The following ADAMTS9 variants were observed in gnomAD, a reference collection of about 807,000 sequenced individuals.
ADAMTS9 encodes the protein A disintegrin and metalloproteinase with thrombospondin motifs 9.
ADAMTS9 carries 107 observed loss-of-function variants against 257.1 expected under a neutral mutation model. The observed-to-expected ratio is 0.42, with a 90% CI of 0.36 to 0.49. The LOEUF is 0.49. Among genes scored for constraint, ADAMTS9 ranks in the 20% least tolerant of loss-of-function variants. The pLI is 0.03. For missense variants in ADAMTS9, 2,353 were observed against 2,469.1 expected (o/e 0.95, Z 1.00); for synonymous variants, 982 against 880.9 (o/e 1.11, Z -2.03).
At chr3:64,621,359 A>G (rs1700099868) in intron 18 of ADAMTS9, 119 bp from the exon 19 acceptor site, 2 of 1,207,172 alleles carry the variant, frequency 1.7e-6, no homozygotes, top group African/African-American at 1.5e-5. Flanking sequence ...TTCAGAGCGT[A>G]TGATCTCTGT....
intron 12 of ADAMTS9, among the ~76,000 whole-genome samples, chr3:64,636,021 CATTT>C (rs1477845547): frequency 1.3e-5 from 2 of 152,174 alleles, no homozygotes; most frequent in Non-Finnish European, 2.9e-5. Context: ...GTGGATCAAT[CATTT>C]ATTTATTGCC....
chr3:64,526,203 T>C (rs909156325), intron 38 of ADAMTS9, among the ~76,000 whole-genome samples: 1 of 151,348 alleles, frequency 6.6e-6, no homozygotes, highest in Non-Finnish European at 1.5e-5. Context: ...AAAGAAAAGA[T>C]AAATGTTTGA....
At chr3:64,682,095 A>G (rs1701772603) in intron 2 of ADAMTS9, among the ~76,000 whole-genome samples, 1 of 152,130 alleles carries the variant, frequency 6.6e-6, no homozygotes, top group Admixed American at 6.5e-5. Flanking sequence ...CCTTTGCAAA[A>G]TAGGGGAGTG....
At chr3:64,660,106 C>T (rs1701187485) in intron 3 of ADAMTS9, among the ~76,000 whole-genome samples, 1 of 152,160 alleles carries the variant, frequency 6.6e-6, no homozygotes, top group Non-Finnish European at 1.5e-5. Context: ...AACAGAATTT[C>T]ATCAGTTAAC....
chr3:64,645,755 A>C (rs1304429705), intron 11 of ADAMTS9, among the ~76,000 whole-genome samples: 1 of 152,196 alleles, frequency 6.6e-6, no homozygotes, highest in African/African-American at 2.4e-5. Context: ...CTCCAAAAGC[A>C]TCCTGAGCCT....
At chr3:64,621,368 G>T (rs1700100135) in intron 18 of ADAMTS9, 128 bp from the exon 19 acceptor site, 3 of 1,117,732 alleles carry the variant, frequency 2.7e-6, no homozygotes, top group East Asian at 2.6e-5. Flanking sequence ...TATGATCTCT[G>T]TTGCACTATT....
chr3:64,527,251 G>T (rs1024634307), intron 38 of ADAMTS9, among the ~76,000 whole-genome samples: 2 of 152,112 alleles, frequency 1.3e-5, no homozygotes. Flanking sequence ...TTGTTAGCCT[G>T]GTTTGAGCTA....
chr3:64,627,521 A>G (rs1161251800), intron 16 of ADAMTS9, among the ~76,000 whole-genome samples: 1 of 152,210 alleles, frequency 6.6e-6, no homozygotes, highest in Non-Finnish European at 1.5e-5. Flanking sequence ...AGAGATACGA[A>G]CATGGTGGCC....
At chr3:64,593,343 G>A (rs147640906) in intron 28 of ADAMTS9, among the ~76,000 whole-genome samples, 256 of 152,258 alleles carry the variant, frequency 1.7e-3, no homozygotes, top group Non-Finnish European at 2.4e-3. Context: ...AGACTTCTGA[G>A]AACCATACTG....
At chr3:64,607,767 A>C (rs1411635212) in intron 22 of ADAMTS9, among the ~76,000 whole-genome samples, 1 of 152,188 alleles carries the variant, frequency 6.6e-6, no homozygotes, top group Non-Finnish European at 1.5e-5. Flanking sequence ...AACCTTGCAG[A>C]AACTAGGTGA....
intron 38 of ADAMTS9, among the ~76,000 whole-genome samples, chr3:64,526,935 T>G (rs2082917793): frequency 6.6e-6 from 1 of 152,190 alleles, no homozygotes; most frequent in South Asian, 2.1e-4. Flanking sequence ...TGGGTAAAAG[T>G]CTGGGTAATT....
chr3:64,667,836 T>C (rs571450379), intron 3 of ADAMTS9, among the ~76,000 whole-genome samples: 147 of 152,310 alleles, frequency 9.7e-4, no homozygotes, highest in African/African-American at 3.4e-3. Flanking sequence ...CAACCCGATA[T>C]GGTAGGAACT....
At chr3:64,628,578 TC>T (rs138117535) in intron 16 of ADAMTS9, among the ~76,000 whole-genome samples, 393 of 151,820 alleles carry the variant, frequency 2.6e-3, no homozygotes, top group Non-Finnish European at 4.1e-3. Context: ...AGAAATGGAT[TC>T]CCCCCCCAAA....
intron 11 of ADAMTS9, among the ~76,000 whole-genome samples, chr3:64,645,240 G>A (rs1041257434): frequency 6.6e-6 from 1 of 152,150 alleles, no homozygotes; most frequent in African/African-American, 2.4e-5. Flanking sequence ...TTATAGAAAT[G>A]TATCTTTTTA....
At chr3:64,553,493 T>C (rs748613262) in intron 30 of ADAMTS9, among the ~76,000 whole-genome samples, 4 of 152,202 alleles carry the variant, frequency 2.6e-5, no homozygotes, top group Non-Finnish European at 5.9e-5. Context: ...CTATTGTAAA[T>C]AGTGCTGCTA....
Position 64,613,344 on chromosome 3 carries a change from C to G in ADAMTS9, c.3354+1G>C. On this transcript the variant is annotated splice_donor_variant, in intron 22 of 39. Coordinates refer to ENST00000498707, the MANE Select transcript of ADAMTS9 (RefSeq NM_182920.2). LOFTEE classifies it high-confidence loss of function. ...GTTAAGAATCTTATCGTTCAAAATACCTGTCCCCAGGGACCCGCCTGCCAG... is the reference window on the plus strand; with the variant it reads ...GTTAAGAATCTTATCGTTCAAAATAGCTGTCCCCAGGGACCCGCCTGCCAG... 2 of 1,612,978 alleles carry G rather than the reference C, an allele frequency of 1.2e-6. No homozygotes were observed. The highest frequency in any genetic ancestry group is 1.7e-6 in the Non-Finnish European group (2 of 1,179,480).
At chr3:64,620,775 C>T (rs1700084471) in intron 19 of ADAMTS9, among the ~76,000 whole-genome samples, 1 of 152,064 alleles carries the variant, frequency 6.6e-6, no homozygotes, top group Admixed American at 6.6e-5. Flanking sequence ...TGAGGTTCTC[C>T]CCCTTTTCTT....
rs2084242984 is a variant in ADAMTS9, at chr3:64,590,650, G to A, written c.4356+3608C>T. ...CAAACATTTTCTCTTCCTACCTACAGAAGCTGCAAACTTTAATACGAAAAT... is the reference window on the plus strand; with the variant it reads ...CAAACATTTTCTCTTCCTACCTACAAAAGCTGCAAACTTTAATACGAAAAT... On this transcript the variant is annotated intron_variant, in intron 28 of 39. Coordinates refer to ENST00000498707, the MANE Select transcript of ADAMTS9 (RefSeq NM_182920.2). Among the ~76,000 whole-genome samples the A allele has an allele frequency of 2.0e-5, 3 of 152,064 alleles. 1 individual carries two copies. In the South Asian group the frequency reaches 6.2e-4, roughly 32 times the overall value.
intron 11 of ADAMTS9, among the ~76,000 whole-genome samples, chr3:64,647,683 G>A (rs1700831640): frequency 6.6e-6 from 1 of 152,224 alleles, no homozygotes; most frequent in Admixed American, 6.5e-5. Flanking sequence ...TTAAATGAGA[G>A]AAAGTCTTAA....
Sources: allele counts gnomAD v4.1 joint callset (sites outside exome capture counted in the v4.1 genomes callset), GRCh38; gene constraint gnomAD v4.1.1; transcripts MANE v1.5; gene names NCBI Gene and HGNC (gene_info 2026-07-23, HGNC 2026-07-21).